CBLB: variants seen among roughly 807,000 people sequenced by gnomAD.
CBLB encodes Cbl proto-oncogene B.
Under a neutral mutation model 104.9 loss-of-function variants are expected in CBLB, and 31 were observed. That is an observed-to-expected ratio of 0.30 (90% CI 0.22 to 0.40). The LOEUF (loss-of-function observed/expected upper bound fraction) is 0.40. Among genes scored for constraint, CBLB ranks in the 10% least tolerant of loss-of-function variants. CBLB has a pLI of 1.00. For synonymous variants in CBLB, 440 were observed against 422.6 expected (o/e 1.04, Z -0.51); for missense variants, 1,062 against 1,214.6 (o/e 0.87, Z 1.87).
At chr3:105,802,670 T>C (rs909337903) in intron 3 of CBLB, among the ~76,000 whole-genome samples, 6 of 152,172 alleles carry the variant, frequency 3.9e-5, no homozygotes, top group Admixed American at 3.9e-4. Flanking sequence ...GAGGAAGATG[T>C]ACAGCTGGCT....
intron 3 of CBLB, among the ~76,000 whole-genome samples, chr3:105,850,055 A>G (rs924391998): frequency 1.3e-5 from 2 of 152,118 alleles, no homozygotes; most frequent in African/African-American, 4.8e-5. Context: ...ATTTTAAAGC[A>G]TTAATTAATG....
intron 3 of CBLB, among the ~76,000 whole-genome samples, chr3:105,846,384 AATTT>A (rs2090260658): frequency 6.6e-6 from 1 of 152,084 alleles, no homozygotes; most frequent in South Asian, 2.1e-4. Flanking sequence ...AATATAGTAT[AATTT>A]ATTTATAAAA....
chr3:105,803,901 G>A (rs1247595242), intron 3 of CBLB, among the ~76,000 whole-genome samples: 3 of 152,104 alleles, frequency 2.0e-5, no homozygotes, highest in Non-Finnish European at 4.4e-5. Context: ...AAAATAACAA[G>A]ACACTCAATT....
intron 3 of CBLB, among the ~76,000 whole-genome samples, chr3:105,780,660 G>GTTTTTTTTTTTTTTTTT (rs58640968): frequency 5.3e-5 from 5 of 94,016 alleles, no homozygotes; most frequent in South Asian, 4.0e-4. Flanking sequence ...TTTGTTTTTT[G>GTTTTTTTTTTTTTTTTT]TTTTTTTTTT....
chr3:105,676,666 G>A (rs2152713183), intron 17 of CBLB, among the ~76,000 whole-genome samples: 1 of 152,316 alleles, frequency 6.6e-6, no homozygotes, highest in South Asian at 2.1e-4. Flanking sequence ...AAATACAGCA[G>A]TGTTTACATG....
chr3:105,689,585 T>TAATAATGCCTCTGTTCATTTGCC (rs1420192058), intron 13 of CBLB, among the ~76,000 whole-genome samples: 1 of 151,278 alleles, frequency 6.6e-6, no homozygotes, highest in Non-Finnish European at 1.5e-5. Context: ...TTATTACTTG[T>TAATAATGCCTCTGTTCATTTGCC]AATAATGCCT....
intron 3 of CBLB, among the ~76,000 whole-genome samples, chr3:105,822,752 T>C (rs2086061860): frequency 6.6e-6 from 1 of 152,220 alleles, no homozygotes; most frequent in African/African-American, 2.4e-5. Context: ...AATGAACATA[T>C]ATTACTAATA....
chr3:105,741,241 T>C (rs920706407), intron 6 of CBLB, among the ~76,000 whole-genome samples: 5 of 152,298 alleles, frequency 3.3e-5, no homozygotes, highest in South Asian at 4.1e-4. Context: ...CAGGCTGTAG[T>C]GCAGTGGCGC....
chr3:105,751,561 G>T lies in CBLB; in HGVS notation c.624C>A (p.Ser208Arg). The T allele has an allele frequency of 6.2e-7, 1 of 1,610,324 alleles. No individual in the cohort carries two copies. Among genetic ancestry groups the T allele is most frequent in the South Asian group, 1.1e-5 (1 of 90,998 alleles). ...TTAGAGCCATTGCTTCCAGGCCAGAGCTAATCTGGTGGACCTCATGAAGGC... is the reference window on the plus strand; with the variant it reads ...TTAGAGCCATTGCTTCCAGGCCAGATCTAATCTGGTGGACCTCATGAAGGC... ...RQCLHEVHQI[S>R]SGLEAMALKS... The change falls in exon 5 of 19, where the codon AGC (serine) becomes AGA (arginine). Residue 208 changes from serine to arginine, a missense_variant. Around this residue, in one of 2 missense-constraint regions of CBLB, gnomAD observed 457 missense variants for 632.0 expected, o/e 0.72. Transcript: ENST00000394030.
chr3:105,747,866 C>G (rs1234988375), intron 5 of CBLB, among the ~76,000 whole-genome samples: 5 of 152,044 alleles, frequency 3.3e-5, no homozygotes, highest in African/African-American at 1.2e-4. Context: ...GATCAAAATA[C>G]AAGTAAAAAA....
At chr3:105,815,803 C>T (rs912783409) in intron 3 of CBLB, among the ~76,000 whole-genome samples, 2 of 152,146 alleles carry the variant, frequency 1.3e-5, no homozygotes, top group Non-Finnish European at 2.9e-5. Flanking sequence ...CCCAAATGCC[C>T]ATCAATGTTA....
chr3:105,697,621 C>T (rs530560992), intron 12 of CBLB, among the ~76,000 whole-genome samples: 41 of 152,064 alleles, frequency 2.7e-4, no homozygotes, highest in African/African-American at 9.6e-4. Context: ...TTATAGATAA[C>T]TTTAAGGTCA....
chr3:105,834,809 A>G (rs1278133363), intron 3 of CBLB, among the ~76,000 whole-genome samples: 1 of 152,178 alleles, frequency 6.6e-6, no homozygotes, highest in African/African-American at 2.4e-5. Flanking sequence ...CAGATTTATC[A>G]TAGGGAAGAT....
chr3:105,741,520 C>T (rs1261360877), intron 6 of CBLB, among the ~76,000 whole-genome samples: 2 of 151,952 alleles, frequency 1.3e-5, no homozygotes, highest in African/African-American at 4.8e-5. Flanking sequence ...TTCAGCCTCC[C>T]GAGTAGCTGG....
chr3:105,737,559 A>C (rs1430262438), intron 7 of CBLB, among the ~76,000 whole-genome samples: 1 of 152,170 alleles, frequency 6.6e-6, no homozygotes, highest in Non-Finnish European at 1.5e-5. Context: ...TTCACTGGTC[A>C]ATCATGTTGT....
chr3:105,658,817 G>T lies in CBLB; in HGVS notation c.*153C>A, dbSNP rs1199137450. On this transcript the variant is annotated 3_prime_UTR_variant, in exon 19 of 19. Transcript: ENST00000394030. ...CTGTCGACATCCTGAGCAAGCATCGGTCTCCTTTGAGAAGCTGCACTCCCA... is the reference window on the plus strand; with the variant it reads ...CTGTCGACATCCTGAGCAAGCATCGTTCTCCTTTGAGAAGCTGCACTCCCA... 1.5e-5 allele frequency: 11 copies of T among 756,380 alleles called. No individual in the cohort carries two copies. Among genetic ancestry groups the T allele is most frequent in the Non-Finnish European group, 2.4e-5 (11 of 457,454 alleles). 46.9% of individuals were successfully genotyped at this position (756,380 alleles called of 1,614,324 possible).
chr3:105,770,838 CA>C (rs1391667580), intron 4 of CBLB, among the ~76,000 whole-genome samples: 1 of 152,142 alleles, frequency 6.6e-6, no homozygotes, highest in Non-Finnish European at 1.5e-5. Flanking sequence ...TCACCAACTG[CA>C]GGAGAGCTGG....
intron 4 of CBLB, among the ~76,000 whole-genome samples, chr3:105,755,932 G>A (rs2077043293): frequency 6.6e-6 from 1 of 152,044 alleles, no homozygotes; most frequent in Non-Finnish European, 1.5e-5. Flanking sequence ...AGTGTTCATG[G>A]GATACTACTA....
chr3:105,680,544 T>A (rs2066189388), intron 16 of CBLB, among the ~76,000 whole-genome samples: 1 of 152,184 alleles, frequency 6.6e-6, no homozygotes, highest in Non-Finnish European at 1.5e-5. Flanking sequence ...AGAGAAAGAC[T>A]GTAGGTAACA....
Sources: allele counts gnomAD v4.1 joint callset (sites outside exome capture counted in the v4.1 genomes callset), GRCh38; gene constraint gnomAD v4.1.1; regional missense constraint gnomAD v4.1.1; transcripts MANE v1.5; gene names NCBI Gene and HGNC (gene_info 2026-07-23, HGNC 2026-07-21).